Variants in TENM2 observed in about 807,000 individuals in gnomAD.
TENM2 encodes the protein teneurin transmembrane protein 2.
A neutral mutation model predicts 245.2 loss-of-function variants in TENM2; 52 were observed. The observed-to-expected ratio is 0.21, with a 90% CI of 0.17 to 0.27. The LOEUF is 0.27. Ranked by LOEUF, TENM2 falls within the 10% of genes least tolerant of loss-of-function variation. The pLI is 1.00. For synonymous variants in TENM2, 1,363 were observed against 1,438.9 expected (o/e 0.95, Z 1.19); for missense variants, 3,046 against 3,666.8 (o/e 0.83, Z 4.37).
the TENM2 span, among the ~76,000 whole-genome samples, chr5:167,053,903 G>T: frequency 6.6e-6 from 1 of 152,128 alleles, no homozygotes; most frequent in South Asian, 2.1e-4. Flanking sequence ...TTTTTAGAAG[G>T]AGTTTTAAGT....
intron 2 of TENM2, among the ~76,000 whole-genome samples, chr5:167,540,125 A>G (rs1345410873): frequency 1.3e-5 from 2 of 152,186 alleles, no homozygotes; most frequent in African/African-American, 4.8e-5. Context: ...TTTAGGCTCA[A>G]GCAACAAGGA....
the TENM2 span, among the ~76,000 whole-genome samples, chr5:167,003,878 T>C: frequency 6.6e-6 from 1 of 152,182 alleles, no homozygotes; most frequent in East Asian, 1.9e-4. Flanking sequence ...GTGTGTCTAA[T>C]GAGCGTTTTA....
intron 1 of TENM2, among the ~76,000 whole-genome samples, chr5:167,349,504 T>C (rs950285000): frequency 3.9e-5 from 6 of 152,174 alleles, no homozygotes; most frequent in African/African-American, 1.4e-4. Context: ...AACTAGAGAT[T>C]ACTCAAAAAT....
chr5:167,754,872 T>C, intron 2 of TENM2: 3 of 701,278 alleles, frequency 4.3e-6, no homozygotes, highest in Non-Finnish European at 6.3e-6. Context: ...AGGAACCTCA[T>C]GCTGAGGCTG....
chr5:168,127,203 T>G (rs945714412), intron 12 of TENM2, among the ~76,000 whole-genome samples: 1 of 152,138 alleles, frequency 6.6e-6, no homozygotes, highest in African/African-American at 2.4e-5. Context: ...CCTCCAAACT[T>G]GCAATCTCAG....
Position 168,016,379 on chromosome 5 carries a change from T to C in TENM2, c.1186+23197T>C, listed in dbSNP as rs968462779. On this transcript the variant is annotated intron_variant, in intron 5 of 28. Transcript: ENST00000518659. The stretch of plus-strand genomic sequence containing the variant: ...ATTATTTTATCTGACAAACGGTATA[T>C]ATTTTTTCTTCCTGAAAGCAGCAGC... Among the ~76,000 whole-genome samples the C allele has an allele frequency of 2.0e-5, 3 of 152,362 alleles. No individual in the cohort carries two copies. In the South Asian group the frequency reaches 6.2e-4, roughly 32 times the overall value.
chr5:167,588,207 A>C (rs1775634152), intron 2 of TENM2, among the ~76,000 whole-genome samples: 1 of 152,326 alleles, frequency 6.6e-6, no homozygotes, highest in Admixed American at 6.5e-5. Flanking sequence ...GTAATAGAAA[A>C]CTGGATTGGA....
At chr5:167,315,870 A>T (rs543245787) in intron 1 of TENM2, among the ~76,000 whole-genome samples, 5 of 152,270 alleles carry the variant, frequency 3.3e-5, no homozygotes, top group Admixed American at 1.3e-4. Context: ...ATGAAAAAGA[A>T]AATTAGGAAC....
intron 1 of TENM2, among the ~76,000 whole-genome samples, chr5:167,299,269 A>T: frequency 6.6e-6 from 1 of 152,204 alleles, no homozygotes; most frequent in Non-Finnish European, 1.5e-5. Flanking sequence ...GACTGTATAG[A>T]GGTGGGAAGG....
At chr5:167,528,724 C>T (rs539099022) in intron 2 of TENM2, among the ~76,000 whole-genome samples, 5 of 152,246 alleles carry the variant, frequency 3.3e-5, no homozygotes, top group African/African-American at 1.2e-4. Context: ...GTTCAGCGTT[C>T]GTAGCTGCTC....
intron 8 of TENM2, among the ~76,000 whole-genome samples, chr5:168,096,868 G>T (rs1793412948): frequency 9.3e-6 from 1 of 107,884 alleles, no homozygotes; most frequent in Non-Finnish European, 2.0e-5. Context: ...TTAGGATTAT[G>T]GTAATAATTT....
At chr5:167,766,856 G>C (rs1394145817) in intron 2 of TENM2, among the ~76,000 whole-genome samples, 1 of 151,976 alleles carries the variant, frequency 6.6e-6, no homozygotes, top group Non-Finnish European at 1.5e-5. Context: ...TCCAGCCTGG[G>C]AGACAGAGTG....
In TENM2 at chr5:167,375,539, T is replaced by C. The variant is rs1409914550; in HGVS notation, c.502+66T>C. 1.2e-5 allele frequency: 18 copies of C among 1,484,682 alleles called. No individual in the cohort carries two copies. The African/African-American group carries it at 2.0e-4, about 16-fold the overall frequency. The allele number at this position is 1,484,682 out of a possible 1,614,324, so 92.0% of individuals were successfully genotyped here. ...TGCACCACGTGGGGCTTTGAATGTT[T>C]TTGTTTTTTAATGAAGCGGCGTCAT... On this transcript the variant is annotated intron_variant, in intron 2 of 28. Coordinates refer to ENST00000518659, the Ensembl canonical transcript of TENM2.
Position 168,062,388 on chromosome 5 carries a change from T to C in TENM2, c.1515+123T>C, listed in dbSNP as rs997566135. ...AATTAAAAGATGGACAATAAAAATG[T>C]TGGCGAGAATTTGGAGAAATAAGAA... On this transcript the variant is annotated intron_variant, in intron 7 of 28. Coordinates refer to ENST00000518659, the Ensembl canonical transcript of TENM2. The C allele has an allele frequency of 5.0e-6, 4 of 801,674 alleles. No homozygotes were observed. The African/African-American group carries it at 7.0e-5, about 14-fold the overall frequency. 49.7% of individuals were successfully genotyped at this position (801,674 alleles called of 1,614,324 possible).
intron 2 of TENM2, among the ~76,000 whole-genome samples, chr5:167,862,887 G>T (rs897234173): frequency 2.6e-5 from 4 of 152,214 alleles, no homozygotes; most frequent in Non-Finnish European, 4.4e-5. Context: ...ATTCAAAGCT[G>T]AAGAAGAGAG....
intron 2 of TENM2, among the ~76,000 whole-genome samples, chr5:167,872,296 TAGAAAGAAA>T (rs1285050451): frequency 9.6e-6 from 1 of 104,528 alleles, no homozygotes; most frequent in Admixed American, 1.2e-4. Flanking sequence ...AAGAGAAAGA[TAGAAAGAAA>T]GAAAGAAAGA....
intron 3 of TENM2, among the ~76,000 whole-genome samples, chr5:167,881,797 C>G (rs1382063272): frequency 2.6e-5 from 4 of 152,164 alleles, no homozygotes; most frequent in Admixed American, 6.6e-5. Context: ...AACAGCCATC[C>G]CTCTTGCCCC....
intron 2 of TENM2, among the ~76,000 whole-genome samples, chr5:167,389,106 C>A (rs1233857659): frequency 6.6e-6 from 1 of 151,742 alleles, no homozygotes; most frequent in Non-Finnish European, 1.5e-5. Flanking sequence ...TGAAAAAGTC[C>A]AATTTTTATT....
Position 168,199,119 on chromosome 5 carries a change from G to T in TENM2, c.3162+5G>T, listed in dbSNP as rs1761710055. On this transcript the variant is annotated splice_donor_5th_base_variant and intron_variant, in intron 16 of 28. Coordinates refer to ENST00000518659, the Ensembl canonical transcript of TENM2. The stretch of plus-strand genomic sequence containing the variant: ...CCCATCGTGCCTGAGACCCAGGTAG[G>T]AATGGCAGTGCCAGGGCGGGACTCT... 3 of 1,607,730 alleles carry T rather than the reference G, an allele frequency of 1.9e-6. No homozygotes were observed. The African/African-American group carries it at 4.0e-5, about 21-fold the overall frequency.
Sources: gnomAD v4.1 joint callset for allele counts (sites outside exome capture counted in the v4.1 genomes callset) on GRCh38, gnomAD v4.1.1 for gene constraint, MANE v1.5 for transcripts, NCBI Gene and HGNC (gene_info 2026-07-23, HGNC 2026-07-21) for gene names.